Variants in FRMD3 observed in about 807,000 individuals in gnomAD.
FRMD3 encodes FERM domain containing 3.
In FRMD3, 33 loss-of-function variants were observed where a neutral mutation model predicts 70.2. The observed-to-expected ratio is 0.47, with a 90% CI of 0.36 to 0.63. The LOEUF (loss-of-function observed/expected upper bound fraction) is 0.63, where lower values mean the gene tolerates loss of function less well. FRMD3 is among the 20% of genes least tolerant of loss of function. The probability of loss-of-function intolerance (pLI) is 0.00; values close to 1 mark genes in which losing one functional copy is unlikely to be tolerated. For missense variants in FRMD3, 632 were observed against 711.4 expected (o/e 0.89, Z 1.27); for synonymous variants, 279 against 255.9 (o/e 1.09, Z -0.86).
intron 13 of FRMD3, among the ~76,000 whole-genome samples, chr9:83,272,155 C>T (rs950929408): frequency 1.3e-5 from 2 of 151,940 alleles, no homozygotes; most frequent in Non-Finnish European, 2.9e-5. Context: ...TGATGCCTAG[C>T]TGAAGCTGGA....
At chr9:83,387,083 A>G (rs908756916) in intron 2 of FRMD3, among the ~76,000 whole-genome samples, 12 of 152,178 alleles carry the variant, frequency 7.9e-5, no homozygotes, top group African/African-American at 2.7e-4. Context: ...TTTGTAATAA[A>G]AAAAATGCCT....
chr9:83,452,685 T>C lies in FRMD3; in HGVS notation c.148-62977A>G, dbSNP rs549474911. 2.5e-3 allele frequency among the ~76,000 whole-genome samples: 378 copies of C among 152,088 alleles called. 4 individuals carry two copies. Among genetic ancestry groups the C allele is most frequent in the Non-Finnish European group, 2.1e-3 (143 of 67,998 alleles). ...TTTTAGTAGAGACGGGGTTTCACCGTGTTAGCCAGGATGGTCTCCATCTCC... is the reference window on the plus strand; with the variant it reads ...TTTTAGTAGAGACGGGGTTTCACCGCGTTAGCCAGGATGGTCTCCATCTCC... On this transcript the variant is annotated intron_variant, in intron 1 of 13. Coordinates refer to ENST00000304195, the MANE Select transcript of FRMD3 (RefSeq NM_174938.6).
At chr9:83,549,808 C>A in the FRMD3 span, among the ~76,000 whole-genome samples, 1 of 151,534 alleles carries the variant, frequency 6.6e-6, no homozygotes, top group African/African-American at 2.4e-5. Flanking sequence ...GGTTTTTTTT[C>A]TTGTAAATTT....
chr9:83,346,116 C>A (rs529612167), intron 4 of FRMD3, among the ~76,000 whole-genome samples: 1 of 151,950 alleles, frequency 6.6e-6, no homozygotes, highest in Non-Finnish European at 1.5e-5. Context: ...ATTAGCTAGG[C>A]GTGCTGGCTT....
intron 4 of FRMD3, among the ~76,000 whole-genome samples, chr9:83,345,288 G>GT (rs11393831): frequency 0.31 from 47,407 of 152,004 alleles, 7,750 homozygotes; most frequent in Non-Finnish European, 0.35. Context: ...CTAATTTGGA[G>GT]TTGCTATGCA....
intron 1 of FRMD3, among the ~76,000 whole-genome samples, chr9:83,474,488 C>T (rs569697704): frequency 6.6e-6 from 1 of 152,196 alleles, no homozygotes; most frequent in South Asian, 2.1e-4. Flanking sequence ...GACTAGACTG[C>T]AAGGCAAACA....
chr9:83,435,142 T>C (rs1304461255), intron 1 of FRMD3, among the ~76,000 whole-genome samples: 1 of 152,162 alleles, frequency 6.6e-6, no homozygotes, highest in Non-Finnish European at 1.5e-5. Flanking sequence ...ACCCCTTATT[T>C]AGTGTTCCTT....
At chr9:83,296,350 A>C (rs552403539) in intron 12 of FRMD3, among the ~76,000 whole-genome samples, 1 of 152,302 alleles carries the variant, frequency 6.6e-6, no homozygotes, top group African/African-American at 2.4e-5. Context: ...CTCACATCAA[A>C]GAAAATGACA....
chr9:83,335,724 C>A, intron 5 of FRMD3, 85 bp from the exon 6 acceptor site: 1 of 1,196,312 alleles, frequency 8.4e-7, no homozygotes, highest in East Asian at 2.5e-5. Context: ...CTCCTGCCAT[C>A]CAAAAGAAGA....
At chr9:83,566,725 C>G in the FRMD3 span, among the ~76,000 whole-genome samples, 3 of 152,192 alleles carry the variant, frequency 2.0e-5, no homozygotes, top group Non-Finnish European at 4.4e-5. Context: ...TTTTAAAGCT[C>G]CGAAATGATC....
intron 1 of FRMD3, among the ~76,000 whole-genome samples, chr9:83,503,197 G>A (rs150255428): frequency 3.3e-4 from 50 of 152,234 alleles, no homozygotes; most frequent in Non-Finnish European, 1.2e-4. Flanking sequence ...ACTATGCTAT[G>A]TTACATGGCA....
downstream of FRMD3, among the ~76,000 whole-genome samples, chr9:83,243,762 A>T (rs560885562): frequency 8.0e-5 from 12 of 150,282 alleles, no homozygotes; most frequent in East Asian, 2.6e-3. Flanking sequence ...CTTGACTTCT[A>T]TTGTATTCCT....
chr9:83,267,197 C>T (rs1833307880), intron 13 of FRMD3: 1 of 1,549,788 alleles, frequency 6.5e-7, no homozygotes, highest in African/African-American at 1.4e-5. Context: ...CAGCCTTTCC[C>T]TAACAGTCCA....
At chr9:83,288,624 A>G (rs1834305968) in intron 13 of FRMD3, among the ~76,000 whole-genome samples, 1 of 152,248 alleles carries the variant, frequency 6.6e-6, no homozygotes, top group African/African-American at 2.4e-5. Flanking sequence ...AGCTGGTAAA[A>G]TAATTGAAGA....
intron 1 of FRMD3, among the ~76,000 whole-genome samples, chr9:83,536,063 T>C (rs1829885554): frequency 6.6e-6 from 1 of 152,212 alleles, no homozygotes; most frequent in Admixed American, 6.5e-5. Context: ...AAATAAAATA[T>C]TTTAATTTAT....
chr9:83,523,906 C>T (rs983270477), intron 1 of FRMD3, among the ~76,000 whole-genome samples: 2 of 152,214 alleles, frequency 1.3e-5, no homozygotes, highest in East Asian at 3.8e-4. Context: ...AGCAGAAATA[C>T]TTCTCCCCTG....
intron 1 of FRMD3, among the ~76,000 whole-genome samples, chr9:83,394,709 C>A (rs567197278): frequency 1.9e-4 from 29 of 152,268 alleles, no homozygotes; most frequent in Non-Finnish European, 3.5e-4. Context: ...TCTCACAGAA[C>A]GGGTTGGATT....
At chr9:83,375,660 C>T (rs12342540) in intron 2 of FRMD3, among the ~76,000 whole-genome samples, 58,556 of 151,968 alleles carry the variant, frequency 0.39, 11,714 homozygotes, top group Admixed American at 0.47. Context: ...TAAATGGGAG[C>T]TAATGATGAG....
At chr9:83,377,454 C>T (rs76500188) in intron 2 of FRMD3, among the ~76,000 whole-genome samples, 1,958 of 152,238 alleles carry the variant, frequency 0.013, 33 homozygotes, top group African/African-American at 0.044. Flanking sequence ...CCCAACCAAA[C>T]CTCATGTTGA....
Sources: allele counts gnomAD v4.1 joint callset (sites outside exome capture counted in the v4.1 genomes callset), GRCh38; gene constraint gnomAD v4.1.1; transcripts MANE v1.5; gene names NCBI Gene and HGNC (gene_info 2026-07-23, HGNC 2026-07-21).